Variants in CYRIA observed in about 807,000 individuals in gnomAD.
The protein encoded by CYRIA is CYFIP-related Rac1 interactor A.
CYRIA carries 15 observed loss-of-function variants against 43.9 expected under a neutral mutation model. The observed-to-expected ratio is 0.34, with a 90% CI of 0.23 to 0.53. The LOEUF (loss-of-function observed/expected upper bound fraction) is 0.53. Among genes scored for constraint, CYRIA ranks in the 20% least tolerant of loss-of-function variants. The pLI is 0.94. For synonymous variants in CYRIA, 117 were observed against 136.0 expected, an observed-to-expected ratio of 0.86 and a Z score of 0.97; for missense variants, 236 against 394.2, an observed-to-expected ratio of 0.60 and a Z score of 3.40.
intron 2 of CYRIA, among the ~76,000 whole-genome samples, chr2:16,613,587 G>A (rs193136897): frequency 1.2e-4 from 18 of 152,308 alleles, no homozygotes; most frequent in African/African-American, 4.3e-4. Context: ...TGCTAAATTG[G>A]AGAGCTTTTC....
chr2:16,587,101 T>G (rs1667755224), intron 3 of CYRIA, among the ~76,000 whole-genome samples: 1 of 152,134 alleles, frequency 6.6e-6, no homozygotes, highest in Non-Finnish European at 1.5e-5. Context: ...AAACATAACC[T>G]TTTGGGTAAA....
intron 1 of CYRIA, among the ~76,000 whole-genome samples, chr2:16,649,672 T>TTACAGTACAGGACACAGTTG (rs1222735020): frequency 6.6e-6 from 1 of 150,920 alleles, no homozygotes; most frequent in African/African-American, 2.4e-5. Context: ...CAGGGAACAG[T>TTACAGTACAGGACACAGTTG]TACAGTACAG....
At chr2:16,606,546 TA>T (rs58851451) in intron 2 of CYRIA, among the ~76,000 whole-genome samples, 29,198 of 134,486 alleles carry the variant, frequency 0.22, 3,497 homozygotes, top group African/African-American at 0.37. Flanking sequence ...ACAATATAAC[TA>T]AAAAAAAAAA....
At chr2:16,659,537 G>T (rs1202736000) in intron 1 of CYRIA, among the ~76,000 whole-genome samples, 6 of 152,230 alleles carry the variant, frequency 3.9e-5, no homozygotes, top group Non-Finnish European at 8.8e-5. Context: ...CAGGCTGCTT[G>T]TAAGTGGGCA....
At chr2:16,626,324 T>C in intron 1 of CYRIA, among the ~76,000 whole-genome samples, 1 of 151,900 alleles carries the variant, frequency 6.6e-6, no homozygotes, top group East Asian at 1.9e-4. Flanking sequence ...ACAGACCCAA[T>C]CCAGAGCAGC....
rs981488880 is a variant in CYRIA, at chr2:16,626,608, C to T, written c.-166-2589G>A. On this transcript the variant is annotated intron_variant, in intron 1 of 11. Transcript: ENST00000381323. ...AGTCAGCATATGTTTGAGAGGACTC[C>T]AAGCCTTCTGAAGCAATTGCTGATG... 2.6e-5 allele frequency among the ~76,000 whole-genome samples: 4 copies of T among 152,290 alleles called. No individual in the cohort carries two copies. In the East Asian group the frequency reaches 7.7e-4, roughly 29 times the overall value.
At chr2:16,635,189 C>T (rs553516359) in intron 1 of CYRIA, among the ~76,000 whole-genome samples, 19 of 152,320 alleles carry the variant, frequency 1.2e-4, no homozygotes, top group Admixed American at 1.0e-3. Flanking sequence ...GACAGGGATG[C>T]TGCCAAGCAT....
intron 11 of CYRIA, 28 bp downstream of exon 11, chr2:16,555,041 T>C (rs1415369180): frequency 1.2e-6 from 2 of 1,601,362 alleles, no homozygotes; most frequent in African/African-American, 2.7e-5. Context: ...GGCTGTTCCC[T>C]GTGAGCTGAC....
chr2:16,609,528 A>G (rs1420500765), intron 2 of CYRIA, among the ~76,000 whole-genome samples: 1 of 152,098 alleles, frequency 6.6e-6, no homozygotes, highest in Non-Finnish European at 1.5e-5. Flanking sequence ...TTTTTCCACA[A>G]TCTGCATAGA....
intron 1 of CYRIA, among the ~76,000 whole-genome samples, chr2:16,643,482 G>A (rs1386036230): frequency 6.6e-6 from 1 of 152,196 alleles, no homozygotes; most frequent in East Asian, 1.9e-4. Context: ...AGTTTTGAGA[G>A]ACTTCAATAT....
In CYRIA at chr2:16,558,048, G is replaced by A. The variant is rs535099527; in HGVS notation, c.837+1412C>T. 7.3e-4 allele frequency among the ~76,000 whole-genome samples: 111 copies of A among 152,080 alleles called. 2 individuals are homozygous for A. The highest frequency in any genetic ancestry group is 2.6e-3 in the African/African-American group (106 of 41,492). On this transcript the variant is annotated intron_variant, in intron 10 of 11. Coordinates refer to ENST00000381323, the MANE Select transcript of CYRIA (RefSeq NM_030797.4). ...TGTTTCAAAATAGCACGTAAAGCAG[G>A]GTACTAATTTGTTAAGGACATCCAC... is the stretch of plus-strand genomic sequence containing the variant.
chr2:16,587,023 T>A (rs1667751249), intron 3 of CYRIA, among the ~76,000 whole-genome samples: 1 of 152,014 alleles, frequency 6.6e-6, no homozygotes, highest in Non-Finnish European at 1.5e-5. Flanking sequence ...TAAGAAAAAA[T>A]CCCTGTCTTT....
chr2:16,552,875 A>G lies in CYRIA; in HGVS notation c.*61T>C. The G allele has an allele frequency of 3.8e-6, 4 of 1,051,526 alleles. No homozygotes were observed. In the South Asian group the frequency reaches 5.0e-5, roughly 13 times the overall value. The allele number at this position is 1,051,526 out of a possible 1,614,324, so 65.1% of individuals were successfully genotyped here. ...AAGTATTAACATCAATCTGTATTAA[A>G]TTATGTAAACATATACATCTTCTGA... On this transcript the variant is annotated 3_prime_UTR_variant, in exon 12 of 12. Coordinates refer to ENST00000381323, the MANE Select transcript of CYRIA (RefSeq NM_030797.4).
chr2:16,634,892 G>T (rs1343757985), intron 1 of CYRIA, among the ~76,000 whole-genome samples: 1 of 152,188 alleles, frequency 6.6e-6, no homozygotes, highest in African/African-American at 2.4e-5. Context: ...CAGCAAGTTT[G>T]TTTGGCTTTC....
intron 3 of CYRIA, among the ~76,000 whole-genome samples, chr2:16,574,627 T>C (rs1415802505): frequency 2.6e-5 from 4 of 152,218 alleles, no homozygotes; most frequent in Non-Finnish European, 4.4e-5. Flanking sequence ...TAGCTGTGAC[T>C]AAAAGGTACC....
chr2:16,652,251 C>T, intron 1 of CYRIA, among the ~76,000 whole-genome samples: 1 of 152,278 alleles, frequency 6.6e-6, no homozygotes, highest in East Asian at 1.9e-4. Context: ...TTACCTACCC[C>T]CCTCACACTC....
intron 3 of CYRIA, among the ~76,000 whole-genome samples, chr2:16,571,798 T>C (rs555717509): frequency 6.6e-6 from 1 of 152,236 alleles, no homozygotes. Flanking sequence ...CCACTTCCTC[T>C]CTCCTCCAAT....
chr2:16,570,873 T>G (rs1235718082), intron 3 of CYRIA, among the ~76,000 whole-genome samples: 1 of 152,210 alleles, frequency 6.6e-6, no homozygotes, highest in Non-Finnish European at 1.5e-5. Flanking sequence ...AACCATATTC[T>G]AAGCTTCTAA....
chr2:16,574,152 G>A (rs1162988742), intron 3 of CYRIA, among the ~76,000 whole-genome samples: 2 of 152,148 alleles, frequency 1.3e-5, no homozygotes, highest in South Asian at 2.1e-4. Flanking sequence ...TGGAGGAAAG[G>A]TGACTCTTGT....
Sources: allele counts gnomAD v4.1 joint callset (sites outside exome capture counted in the v4.1 genomes callset), GRCh38; gene constraint gnomAD v4.1.1; transcripts MANE v1.5; gene names NCBI Gene and HGNC (gene_info 2026-07-23, HGNC 2026-07-21).